PSME3IP1: variants seen among roughly 807,000 people sequenced by gnomAD.
PSME3IP1 encodes proteasome activator subunit 3 interacting protein 1.
In PSME3IP1, 13 loss-of-function variants were observed where a neutral mutation model predicts 34.1. The observed-to-expected ratio is 0.38, with a 90% CI of 0.25 to 0.61. The LOEUF is 0.61. PSME3IP1 is among the 20% of genes least tolerant of loss of function. The pLI, the probability that PSME3IP1 is intolerant of heterozygous loss-of-function variation, is 0.60. For missense variants in PSME3IP1, 237 were observed against 301.4 expected (o/e 0.79, Z 1.58); for synonymous variants, 93 against 114.3 (o/e 0.81, Z 1.19).
chr16:57,166,393 C>T (rs2071874599), intron 5 of PSME3IP1, among the ~76,000 whole-genome samples: 1 of 152,228 alleles, frequency 6.6e-6, no homozygotes, highest in Admixed American at 6.5e-5. Context: ...CAATCCAAAC[C>T]TAGCCACAGC....
chr16:57,171,095 C>T (rs1597695652), intron 4 of PSME3IP1, among the ~76,000 whole-genome samples: 1 of 151,920 alleles, frequency 6.6e-6, no homozygotes, highest in Non-Finnish European at 1.5e-5. Context: ...TTGATATTAC[C>T]GACAGCAATT....
At chr16:57,176,279 C>T (rs2073164230) in intron 1 of PSME3IP1, among the ~76,000 whole-genome samples, 4 of 152,166 alleles carry the variant, frequency 2.6e-5, no homozygotes, top group African/African-American at 7.2e-5. Context: ...CCCTATTAAC[C>T]GTGTCTCCTT....
chr16:57,182,844 A>C (rs1347104484), intron 1 of PSME3IP1, among the ~76,000 whole-genome samples: 1 of 152,150 alleles, frequency 6.6e-6, no homozygotes, highest in African/African-American at 2.4e-5. Flanking sequence ...CGGGAGGCGG[A>C]GGTTGTAGTG....
chr16:57,168,509 A>AC (rs1166121168), intron 4 of PSME3IP1, among the ~76,000 whole-genome samples: 1 of 151,642 alleles, frequency 6.6e-6, no homozygotes, highest in Non-Finnish European at 1.5e-5. Context: ...TTATTTAAAA[A>AC]AAAATAGATT....
intron 6 of PSME3IP1, among the ~76,000 whole-genome samples, chr16:57,155,100 T>A (rs1187340174): frequency 1.1e-4 from 17 of 152,348 alleles, no homozygotes; most frequent in African/African-American, 3.8e-4. Context: ...AGAATAACGT[T>A]CTTTATTAAG....
Position 57,173,762 on chromosome 16 carries a change from T to C in PSME3IP1, c.93A>G (p.Glu31=), listed in dbSNP as rs367821243. The change falls in exon 2 of 7, where the codon GAA becomes GAG. Residue 31 remains glutamate, a synonymous_variant. Transcript: ENST00000309137. ...LDERRKRRQE[E]WEKVRKPEDP... ...CTTCAGGTTTTCGAACTTTCTCCCA[T>C]TCTTCTTGCCTCCTTTTGCGCCGTT... The C allele has an allele frequency of 2.5e-6, 4 of 1,614,054 alleles. No individual in the cohort carries two copies. The African/African-American group carries it at 4.0e-5, about 16-fold the overall frequency.
At chr16:57,179,688 A>T (rs2073519327) in intron 1 of PSME3IP1, among the ~76,000 whole-genome samples, 1 of 152,246 alleles carries the variant, frequency 6.6e-6, no homozygotes, top group African/African-American at 2.4e-5. Flanking sequence ...TAATTCTAAA[A>T]TTAATTAGAT....
At chr16:57,172,705 G>T in intron 3 of PSME3IP1, 71 bp downstream of exon 3, 1 of 1,143,106 alleles carries the variant, frequency 8.7e-7, no homozygotes, top group Non-Finnish European at 1.3e-6. Flanking sequence ...TAGGAAAAGT[G>T]CTGCACAAGG....
chr16:57,172,913 G>A (rs774233578), intron 2 of PSME3IP1, 39 bp from the exon 3 acceptor site: 11 of 1,221,062 alleles, frequency 9.0e-6, no homozygotes, highest in South Asian at 2.4e-5. Flanking sequence ...TGGACGGGGA[G>A]GAGATATACA....
chr16:57,161,075 T>G lies in PSME3IP1; in HGVS notation c.547+2926A>C, dbSNP rs150230262. ...AAGGTATATTAGCCTACTGCTAAGA[T>G]GGCAACATTGCCAAATTAATCTACA... On this transcript the variant is annotated intron_variant, in intron 6 of 6. Transcript: ENST00000309137. Among the ~76,000 whole-genome samples, 233 of 152,376 alleles carry G rather than the reference T, an allele frequency of 1.5e-3. 2 individuals are homozygous for G. The highest frequency in any genetic ancestry group is 5.0e-3 in the African/African-American group (208 of 41,594).
At chr16:57,172,468 G>C in intron 3 of PSME3IP1, 96 bp from the exon 4 acceptor site, 2 of 1,330,064 alleles carry the variant, frequency 1.5e-6, no homozygotes, top group Non-Finnish European at 2.1e-6. Context: ...ATTCTTCAGG[G>C]GATTAAAAAA....
intron 1 of PSME3IP1, among the ~76,000 whole-genome samples, chr16:57,176,800 T>A (rs2145889010): frequency 6.6e-6 from 1 of 152,304 alleles, no homozygotes; most frequent in Non-Finnish European, 1.5e-5. Flanking sequence ...AATACTAGGA[T>A]ACGGCAATGC....
Position 57,172,879 on chromosome 16 carries a change from A to C in PSME3IP1, c.128-5T>G. 6.3e-7 allele frequency: 1 copy of C among 1,576,382 alleles called. No individual in the cohort carries two copies. On this transcript the variant is annotated splice_region_variant and splice_polypyrimidine_tract_variant and intron_variant, in intron 2 of 6. Coordinates refer to ENST00000309137, the MANE Select transcript of PSME3IP1 (RefSeq NM_024946.4). Reference sequence around the variant, plus strand: ...CATAAACCTCCTCTGGACATTCTGAAAGGAAAAGGAGAGGGGAGAGAGGTG... The same window carrying C: ...CATAAACCTCCTCTGGACATTCTGACAGGAAAAGGAGAGGGGAGAGAGGTG...
In PSME3IP1 at chr16:57,167,138, T is replaced by G. The variant is rs746174590; in HGVS notation, c.437A>C (p.Lys146Thr). The G allele has an allele frequency of 1.2e-5, 19 of 1,614,178 alleles. 1 individual carries two copies. The highest frequency in any genetic ancestry group is 1.6e-5 in the Non-Finnish European group (19 of 1,180,030). Residue 146 changes from lysine to threonine, a missense_variant, in exon 5 of 7, where the codon AAG becomes ACG. Physicochemically the swap from Lys to Thr is moderately conservative, Grantham distance 78. Transcript: ENST00000309137. The stretch of plus-strand genomic sequence containing the variant: ...TGCCAACAGCTTCGCCTGGGAGAAC[T>G]TGTTCTTGGTTTCTATAGGCTTCAC... The part of the protein sequence containing the change: ...LTVKPIETKN[K>T]FSQAKLLAGA...
intron 1 of PSME3IP1, among the ~76,000 whole-genome samples, chr16:57,179,625 T>C (rs1394970463): frequency 1.3e-5 from 2 of 152,230 alleles, no homozygotes; most frequent in African/African-American, 2.4e-5. Context: ...TGGAATTGAA[T>C]TATGTGATGG....
chr16:57,162,664 CAAA>C (rs773301974), intron 6 of PSME3IP1, among the ~76,000 whole-genome samples: 14 of 55,646 alleles, frequency 2.5e-4, no homozygotes, highest in Admixed American at 3.9e-4. Context: ...GACCCTGTCT[CAAA>C]AAAAAAAAAA....
Position 57,164,006 on chromosome 16 carries a change from T to C in PSME3IP1, c.542A>G (p.Asn181Ser), listed in dbSNP as rs2071568028. 6.2e-7 allele frequency: 1 copy of C among 1,614,066 alleles called. No homozygotes were observed. Among genetic ancestry groups the C allele is most frequent in the African/African-American group, 1.3e-5 (1 of 74,942 alleles). ...TAATGAAGGCTGCCACCCACCTTGA[T>C]TCTTGTCATCTGGCTCAGGGTCCGG... ...LKPDPEPDDK[N>S]QEPSSCKSLG... is the part of the protein sequence containing the mutation. Residue 181 changes from asparagine (N) to serine (S), a missense_variant, in exon 6 of 7, where the codon AAT becomes AGT. By Grantham distance (46) the Asn-to-Ser change is conservative (BLOSUM62 1). Coordinates refer to ENST00000309137, the MANE Select transcript of PSME3IP1 (RefSeq NM_024946.4).
At chr16:57,178,664 A>T in intron 1 of PSME3IP1, 1 of 985,346 alleles carries the variant, frequency 1.0e-6, no homozygotes, top group Middle Eastern at 5.2e-4. Context: ...AACGCCATAC[A>T]ATTTGTGCAG....
intron 1 of PSME3IP1, chr16:57,174,611 T>C (rs1000210351): frequency 2.0e-6 from 2 of 985,342 alleles, no homozygotes; most frequent in Admixed American, 1.2e-4. Flanking sequence ...TTACACTATC[T>C]TGATTCACCT....
Sources: gnomAD v4.1 joint callset for allele counts (sites outside exome capture counted in the v4.1 genomes callset) on GRCh38, gnomAD v4.1.1 for gene constraint, MANE v1.5 for transcripts, NCBI Gene and HGNC (gene_info 2026-07-23, HGNC 2026-07-21) for gene names.